Variants in TBL3 observed in about 807,000 individuals in gnomAD.
TBL3 encodes transducin beta-like protein 3.
Under a neutral mutation model 102.7 loss-of-function variants are expected in TBL3, and 71 were observed. The ratio of observed to expected loss-of-function variants is 0.69; its 90% CI spans 0.57 to 0.84. TBL3 has a LOEUF of 0.84. Among genes scored for constraint, TBL3 ranks in the 40% least tolerant of loss-of-function variants. The probability of loss-of-function intolerance (pLI) is 0.00; values close to 1 mark genes in which losing one functional copy is unlikely to be tolerated. For missense variants in TBL3, 1,188 were observed against 1,098.5 expected, an observed-to-expected ratio of 1.08 and a Z score of -1.15; for synonymous variants, 578 against 477.7, an observed-to-expected ratio of 1.21 and a Z score of -2.74.
chr16:1,977,988 G>T lies in TBL3; in HGVS notation c.1989G>T (p.Glu663Asp), dbSNP rs144088288. The part of the protein sequence containing the change: ...RQQELDNLLH[E>D]KRYLRALGLA... ...AAGAGCTGGACAACCTGCTGCATGA[G>T]AAGCGGTACCTGCGGGCGCTGGGCC... Residue 663 changes from glutamate to aspartate, a missense_variant, in exon 19 of 22, where the codon GAG (glutamate) becomes GAT (aspartate). By Grantham distance (45) the Glu-to-Asp change is conservative. Transcript: ENST00000568546. The T allele has an allele frequency of 1.2e-6, 2 of 1,605,386 alleles. No individual in the cohort carries two copies. The highest frequency in any genetic ancestry group is 1.7e-6 in the Non-Finnish European group (2 of 1,175,860).
chr16:1,979,717 C>T lies in TBL3; in HGVS notation c.*1032C>T, dbSNP rs565390117. ...ACGGGCTCCTGGCCCGCCCTGCCCG[C>T]GGTGCTTCTGGCCCAGTCTTGCCAC... is the stretch of plus-strand genomic sequence containing the variant. On this transcript the variant is annotated 3_prime_UTR_variant, in exon 22 of 22. Transcript: ENST00000568546. The T allele has an allele frequency of 3.1e-6, 4 of 1,299,476 alleles. No individual in the cohort carries two copies. The highest frequency in any genetic ancestry group is 2.9e-5 in the South Asian group (2 of 69,072). 80.5% of individuals were successfully genotyped at this position (1,299,476 alleles called of 1,614,324 possible).
chr16:1,979,336 CCCGGTCGCCGTACCTGCGA>C lies in TBL3; in HGVS notation c.*652_*670del, dbSNP rs1426939929. On this transcript the variant is annotated 3_prime_UTR_variant, in exon 22 of 22. Coordinates refer to ENST00000568546, the MANE Select transcript of TBL3 (RefSeq NM_006453.3). ...AGCAGCACCGCGGGGAGTAGGCCCG[CCCGGTCGCCGTACCTGCGA>C]GGGGCGGGGTGTGGTTAGGGCCCCG... is the stretch of plus-strand genomic sequence containing the variant. 3.8e-6 allele frequency: 6 copies of C among 1,575,476 alleles called. No homozygotes were observed. The highest frequency in any genetic ancestry group is 4.3e-6 in the Non-Finnish European group (5 of 1,168,140).
Position 1,977,147 on chromosome 16 carries a change from C to T in TBL3, c.1534C>T (p.Gln512Ter). The T allele has an allele frequency of 6.2e-7, 1 of 1,613,080 alleles. No homozygotes were observed. Among genetic ancestry groups the T allele is most frequent in the Non-Finnish European group, 8.5e-7 (1 of 1,180,000 alleles). The change falls in exon 15 of 22, where the codon CAG becomes TAG. Residue 512 changes from glutamine (Q) to a stop codon, truncating the protein, a stop_gained. Coordinates refer to ENST00000568546, the MANE Select transcript of TBL3 (RefSeq NM_006453.3). LOFTEE classifies it high-confidence loss of function. ...TAKLWALPQC[Q>*]LLGVFSGHRR... ...CAAGCTCTGGGCCCTGCCACAGTGC[C>T]AGCTGCTGGGTGTCTTCTCAGGCCA...
chr16:1,972,563 G>A (rs1373719644), intron 1 of TBL3, among the ~76,000 whole-genome samples: 3 of 152,202 alleles, frequency 2.0e-5, no homozygotes, highest in African/African-American at 4.8e-5. Context: ...TGAGCAGTCG[G>A]CCTGGGGACC....
rs2083392825 is a variant in TBL3, at chr16:1,975,404, C to T, written c.771C>T (p.Ser257=). 1.2e-6 allele frequency: 2 copies of T among 1,613,944 alleles called. No individual in the cohort carries two copies. The highest frequency in any genetic ancestry group is 1.7e-6 in the Non-Finnish European group (2 of 1,180,002). Residue 257 remains serine, a synonymous_variant, in exon 9 of 22, where the codon TCC becomes TCT. Transcript: ENST00000568546. ...CAGTGTCCCAGCTGGGTGTGAAGTC[C>T]CCAGGGCTGTACTTTCTGACAGCTG... ...EEPVSQLGVK[S]PGLYFLTAGD...
At position 1,976,272 on chromosome 16, in the gene TBL3, G is replaced by A. The variant is rs754194428; in HGVS notation, c.1250G>A (p.Gly417Asp). 2 of 1,613,964 alleles carry A rather than the reference G, an allele frequency of 1.2e-6. No individual in the cohort carries two copies. The highest frequency in any genetic ancestry group is 1.3e-5 in the African/African-American group (1 of 74,950). The change falls in exon 13 of 22, where the codon GGT becomes GAT. Residue 417 changes from glycine to aspartate, a missense_variant. Physicochemically the swap from Gly to Asp is moderately conservative, Grantham distance 94. Coordinates refer to ENST00000568546, the MANE Select transcript of TBL3 (RefSeq NM_006453.3). Reference protein sequence around the residue: ...KAGQVMCVAQGSGHTHSVGTV... With the variant: ...KAGQVMCVAQDSGHTHSVGTV... ...GGCCAGGTGATGTGCGTGGCTCAGG[G>A]TTCCGGTCACACACACAGTGTGGGC...
Position 1,975,272 on chromosome 16 carries a change from C to A in TBL3, c.711+10C>A. ...CGTGCCTGTGTTTGAGGTGGGGATG[C>A]CTGGAGGCCAGGGCTGGTTGAGTTG... is the stretch of plus-strand genomic sequence containing the variant. On this transcript the variant is annotated intron_variant, in intron 8 of 21. Transcript: ENST00000568546. The A allele has an allele frequency of 6.2e-7, 1 of 1,613,958 alleles. No individual in the cohort carries two copies. Among genetic ancestry groups the A allele is most frequent in the Non-Finnish European group, 8.5e-7 (1 of 1,180,012 alleles).
chr16:1,974,339 A>G, intron 3 of TBL3, 37 bp from the exon 4 acceptor site: 1 of 1,593,242 alleles, frequency 6.3e-7, no homozygotes, highest in Non-Finnish European at 8.6e-7. Flanking sequence ...AGGGCAGCCC[A>G]CTCACACCGT....
In TBL3 at chr16:1,981,685, T is replaced by C. The variant is rs2150892702; in HGVS notation, c.*3000T>C. The C allele has an allele frequency of 6.1e-6, 1 of 164,652 alleles. No homozygotes were observed. Among genetic ancestry groups the C allele is most frequent in the Admixed American group, 5.8e-5 (1 of 17,384 alleles). The allele number at this position is 164,652 out of a possible 1,614,324, so 10.2% of individuals were successfully genotyped here. A position where few individuals can be genotyped will look rare whatever the true frequency, so the allele number is the denominator to read the frequency against. ...TTTCTGTGCAGAACCAAGGACTCAGTGCTTACAGCTTTAAGTGCTTTGTCT... is the reference window on the plus strand; with the variant it reads ...TTTCTGTGCAGAACCAAGGACTCAGCGCTTACAGCTTTAAGTGCTTTGTCT... On this transcript the variant is annotated 3_prime_UTR_variant, in exon 22 of 22. Coordinates refer to ENST00000568546, the MANE Select transcript of TBL3 (RefSeq NM_006453.3).
Position 1,980,334 on chromosome 16 carries a change from C to T in TBL3, c.*1649C>T, listed in dbSNP as rs1176833115. On this transcript the variant is annotated 3_prime_UTR_variant, in exon 22 of 22. Coordinates refer to ENST00000568546, the MANE Select transcript of TBL3 (RefSeq NM_006453.3). ...GGACCTCTCCCAGCTCCAAACGCCGCTGCATGCTGGGAGTTTGGGGCGAGT... is the reference window on the plus strand; with the variant it reads ...GGACCTCTCCCAGCTCCAAACGCCGTTGCATGCTGGGAGTTTGGGGCGAGT... The T allele has an allele frequency of 6.3e-7, 1 of 1,586,648 alleles. No homozygotes were observed. The highest frequency in any genetic ancestry group is 1.3e-5 in the African/African-American group (1 of 74,546).
chr16:1,973,217 G>A (rs1375582618), intron 1 of TBL3, among the ~76,000 whole-genome samples: 4 of 152,136 alleles, frequency 2.6e-5, no homozygotes, highest in Admixed American at 2.6e-4. Context: ...CGAAGCGGGC[G>A]GATCACGAGG....
At chr16:1,975,164 T>A (rs2083390566) in intron 7 of TBL3, 23 bp from the exon 8 acceptor site, 1 of 1,613,592 alleles carries the variant, frequency 6.2e-7, no homozygotes, top group African/African-American at 1.3e-5. Context: ...AGACTTGACC[T>A]GAGGTTGCCG....
At position 1,976,203 on chromosome 16, in the gene TBL3, G is replaced by C. The variant is rs756514035; in HGVS notation, c.1189-8G>C. ...GACCAGCCTCTCTCCTCAACTCCCT[G>C]TCCCCAGGATCAGAGCGTCCGTATC... On this transcript the variant is annotated splice_region_variant and splice_polypyrimidine_tract_variant and intron_variant, in intron 12 of 21. Transcript: ENST00000568546. The C allele has an allele frequency of 1.2e-6, 2 of 1,614,166 alleles. No homozygotes were observed. Among genetic ancestry groups the C allele is most frequent in the Non-Finnish European group, 1.7e-6 (2 of 1,180,030 alleles).
Position 1,979,699 on chromosome 16 carries a change from C to T in TBL3, c.*1014C>T. ...TAGGTGCGGAGACCAAGCACGGGCT[C>T]CTGGCCCGCCCTGCCCGCGGTGCTT... On this transcript the variant is annotated 3_prime_UTR_variant, in exon 22 of 22. Transcript: ENST00000568546. The T allele has an allele frequency of 1.6e-6, 2 of 1,226,508 alleles. No homozygotes were observed. The highest frequency in any genetic ancestry group is 2.6e-5 in the East Asian group (1 of 39,160). The allele number at this position is 1,226,508 out of a possible 1,614,324, so 76.0% of individuals were successfully genotyped here. A position where few individuals can be genotyped will look rare whatever the true frequency, so the allele number is the denominator to read the frequency against.
chr16:1,979,877 G>A lies in TBL3; in HGVS notation c.*1192G>A, dbSNP rs942408334. 52 of 1,582,254 alleles carry A rather than the reference G, an allele frequency of 3.3e-5. No individual in the cohort carries two copies. In the Middle Eastern group the frequency reaches 5.1e-4, roughly 16 times the overall value. ...GGCGCTGGAAACCAGGCGGTCTGCC[G>A]GTCTTCGTTCTCCACCAGCCACCAG... On this transcript the variant is annotated 3_prime_UTR_variant, in exon 22 of 22. Coordinates refer to ENST00000568546, the MANE Select transcript of TBL3 (RefSeq NM_006453.3).
rs1158465883 is a variant in TBL3 at position 1,974,181 on chromosome 16, A to G, written c.94-16A>G. ...GGGTGCTGAATGTTGCCTGGCTGAG[A>G]CCTCTCTGTCCCCAGCTGGACCAGA... On this transcript the variant is annotated splice_polypyrimidine_tract_variant and intron_variant, in intron 2 of 21. Transcript: ENST00000568546. The G allele has an allele frequency of 1.3e-6, 2 of 1,566,154 alleles. No homozygotes were observed. The highest frequency in any genetic ancestry group is 1.4e-5 in the African/African-American group (1 of 73,646).
chr16:1,978,262 C>A (rs2083421645), intron 20 of TBL3, 42 bp downstream of exon 20: 6 of 1,612,114 alleles, frequency 3.7e-6, no homozygotes, highest in African/African-American at 1.3e-5. Context: ...GGGCAAGGGC[C>A]AGTCATGGCA....
At position 1,979,342 on chromosome 16, in the gene TBL3, C is replaced by T. The variant is rs762290866; in HGVS notation, c.*657C>T. 2 of 1,577,308 alleles carry T rather than the reference C, an allele frequency of 1.3e-6. No homozygotes were observed. The highest frequency in any genetic ancestry group is 2.3e-5 in the East Asian group (1 of 43,002). On this transcript the variant is annotated 3_prime_UTR_variant, in exon 22 of 22. Transcript: ENST00000568546. ...ACCGCGGGGAGTAGGCCCGCCCGGT[C>T]GCCGTACCTGCGAGGGGCGGGGTGT...
intron 16 of TBL3, 40 bp downstream of exon 16, chr16:1,977,466 G>C (rs941279189): frequency 9.9e-6 from 16 of 1,608,254 alleles, no homozygotes; most frequent in Non-Finnish European, 1.4e-5. Context: ...AGTGGGGGGT[G>C]GCGGGGGGAC....
Sources: gnomAD v4.1 joint callset for allele counts (sites outside exome capture counted in the v4.1 genomes callset) on GRCh38, gnomAD v4.1.1 for gene constraint, MANE v1.5 for transcripts, NCBI Gene and HGNC (gene_info 2026-07-23, HGNC 2026-07-21) for gene names.